The following RGS8 variants were observed in gnomAD, a reference collection of about 807,000 sequenced individuals.
The protein encoded by RGS8 is regulator of G protein signaling 8, also known as regulator of G-protein signaling 8.
RGS8 carries 8 observed loss-of-function variants against 21.7 expected under a neutral mutation model. The ratio of observed to expected loss-of-function variants is 0.37; its 90% CI spans 0.22 to 0.66. The LOEUF is 0.66. Ranked by LOEUF, RGS8 falls within the 30% of genes least tolerant of loss-of-function variation. RGS8 has a pLI of 0.59. For synonymous variants in RGS8, 80 were observed against 83.6 expected, an observed-to-expected ratio of 0.96 and a Z score of 0.24; for missense variants, 157 against 217.9, an observed-to-expected ratio of 0.72 and a Z score of 1.76.
chr1:182,673,689 CT>C (rs2102449279), upstream of RGS8, among the ~76,000 whole-genome samples: 1 of 152,266 alleles, frequency 6.6e-6, no homozygotes, highest in East Asian at 1.9e-4. Context: ...TTTCTCATTT[CT>C]TATTACCCCT....
the RGS8 span, among the ~76,000 whole-genome samples, chr1:182,690,916 T>C: frequency 6.6e-6 from 1 of 152,236 alleles, no homozygotes; most frequent in Non-Finnish European, 1.5e-5. Flanking sequence ...AAATTGGGGC[T>C]TGCTTTCTCT....
intron 1 of RGS8, among the ~76,000 whole-genome samples, chr1:182,683,759 C>A (rs4652743): frequency 0.042 from 6,347 of 152,116 alleles, 166 homozygotes; most frequent in East Asian, 0.099. Context: ...AAATTGGTGA[C>A]CTCCAATTTT....
At chr1:182,678,165 T>G (rs563558926) in intron 1 of RGS8, among the ~76,000 whole-genome samples, 10 of 152,350 alleles carry the variant, frequency 6.6e-5, no homozygotes, top group African/African-American at 2.4e-4. Context: ...GAAATATTTA[T>G]AGTTGAAATG....
At chr1:182,669,675 T>G in exon 3 of RGS8, 1 of 1,614,170 alleles carries the variant, frequency 6.2e-7, no homozygotes, top group South Asian at 1.1e-5. Flanking sequence ...CGGTTAACCC[T>G]TGGGCTGGTA....
rs186547031 is a variant in RGS8, at chr1:182,669,517, C to T, written c.26+107G>A. 434 of 1,521,012 alleles carry T rather than the reference C, an allele frequency of 2.9e-4. No individual in the cohort carries two copies. The East Asian group carries it at 6.2e-3, about 22-fold the overall frequency. 94.2% of individuals were successfully genotyped at this position (1,521,012 alleles called of 1,614,324 possible). On this transcript the variant is annotated intron_variant, in intron 3 of 6. Coordinates refer to ENST00000483095, the Ensembl canonical transcript of RGS8. ...TATGGGGACAGATGAAAGTAGACCA[C>T]GCATGGGCTCAGAAGGCTTGGGCCA...
At chr1:182,721,128 C>T in the RGS8 span, among the ~76,000 whole-genome samples, 1 of 144,244 alleles carries the variant, frequency 6.9e-6, no homozygotes, top group Non-Finnish European at 1.5e-5. Flanking sequence ...ATTTTAATCT[C>T]CCTGATTTAG....
At chr1:182,686,793 C>T (rs1179150959), upstream of RGS8, among the ~76,000 whole-genome samples, 2 of 151,988 alleles carry the variant, frequency 1.3e-5, no homozygotes, top group African/African-American at 4.8e-5. Flanking sequence ...AATGGAATCA[C>T]CCAAGGACAG....
the RGS8 span, among the ~76,000 whole-genome samples, chr1:182,707,753 C>T: frequency 2.0e-5 from 3 of 152,160 alleles, no homozygotes; most frequent in South Asian, 4.1e-4. Context: ...GTCGCCCAGG[C>T]TGGAGTGCAG....
At chr1:182,661,011 A>G (rs937008086) in intron 5 of RGS8, among the ~76,000 whole-genome samples, 3 of 151,864 alleles carry the variant, frequency 2.0e-5, no homozygotes, top group Non-Finnish European at 4.4e-5. Flanking sequence ...GTTCAACTGT[A>G]TGTTCTAGAG....
Position 182,662,855 on chromosome 1 carries a change from A to C in RGS8, c.193+3114T>G, listed in dbSNP as rs574530292. On this transcript the variant is annotated intron_variant, in intron 5 of 6. Coordinates refer to ENST00000483095, the Ensembl canonical transcript of RGS8. ...TCCAGCTGCTTACCATAGATTTTGCACACCATGAGCACTTGGTACATCTTT... is the reference window on the plus strand; with the variant it reads ...TCCAGCTGCTTACCATAGATTTTGCCCACCATGAGCACTTGGTACATCTTT... Among the ~76,000 whole-genome samples the C allele has an allele frequency of 2.6e-4, 40 of 152,286 alleles. No individual in the cohort carries two copies. In the South Asian group the frequency reaches 7.3e-3, roughly 28 times the overall value.
chr1:182,685,521 C>T (rs545289988), upstream of RGS8, among the ~76,000 whole-genome samples: 1 of 152,312 alleles, frequency 6.6e-6, no homozygotes, highest in East Asian at 1.9e-4. Context: ...CCATGGAAGA[C>T]AGAGAAGACC....
the RGS8 span, among the ~76,000 whole-genome samples, chr1:182,750,772 TCTAGATACTAGACTAGATACTATCTAGA>T: frequency 1.1e-4 from 3 of 28,372 alleles, no homozygotes; most frequent in Admixed American, 9.4e-4. Context: ...CTATCTAGAC[TCTAGATACTAGACTAGATACTATCTAGA>T]CTCTAGATAC....
the RGS8 span, among the ~76,000 whole-genome samples, chr1:182,750,779 A>AATAT: frequency 3.6e-5 from 1 of 27,838 alleles, no homozygotes; most frequent in Non-Finnish European, 9.3e-5. Context: ...GACTCTAGAT[A>AATAT]CTAGACTAGA....
chr1:182,734,499 A>G, the RGS8 span: 1 of 152,234 alleles, frequency 6.6e-6, no homozygotes, highest in Non-Finnish European at 1.5e-5. Flanking sequence ...GAAAGAATCA[A>G]GACGGTTGTA....
chr1:182,748,930 G>A, the RGS8 span, among the ~76,000 whole-genome samples: 1 of 151,984 alleles, frequency 6.6e-6, no homozygotes, highest in African/African-American at 2.4e-5. Flanking sequence ...CAGGTCTTTT[G>A]CCTATTTTTT....
the RGS8 span, among the ~76,000 whole-genome samples, chr1:182,715,164 C>T: frequency 1.3e-5 from 2 of 152,098 alleles, no homozygotes; most frequent in Non-Finnish European, 2.9e-5. Context: ...TTTATTGTAA[C>T]GTATAAGAGG....
intron 5 of RGS8, among the ~76,000 whole-genome samples, chr1:182,651,252 G>A (rs1452474428): frequency 6.6e-6 from 1 of 152,172 alleles, no homozygotes; most frequent in Non-Finnish European, 1.5e-5. Context: ...TATGATGGAG[G>A]TATGTCCTGA....
chr1:182,719,075 C>A, the RGS8 span, among the ~76,000 whole-genome samples: 1 of 152,144 alleles, frequency 6.6e-6, no homozygotes, highest in Admixed American at 6.5e-5. Flanking sequence ...CATGTTTCCC[C>A]GGTTTCTTTC....
the RGS8 span, among the ~76,000 whole-genome samples, chr1:182,721,627 T>C: frequency 6.6e-6 from 1 of 152,208 alleles, no homozygotes; most frequent in African/African-American, 2.4e-5. Flanking sequence ...AGCTTTTCTA[T>C]GTATCTATTG....
Sources: allele counts gnomAD v4.1 joint callset (sites outside exome capture counted in the v4.1 genomes callset), GRCh38; gene constraint gnomAD v4.1.1; transcripts MANE v1.5; gene names NCBI Gene and HGNC (gene_info 2026-07-23, HGNC 2026-07-21).